Variants in PRELID2 observed in about 807,000 individuals in gnomAD.
The protein encoded by PRELID2 is PRELI domain-containing protein 2.
A neutral mutation model predicts 28.4 loss-of-function variants in PRELID2; 25 were observed. The observed-to-expected ratio is 0.88, with a 90% CI of 0.64 to 1.23. The LOEUF (loss-of-function observed/expected upper bound fraction) is 1.23. Among genes scored for constraint, PRELID2 ranks in the 50% most tolerant of loss-of-function variants. The pLI is 0.00. For missense variants in PRELID2, 201 were observed against 214.4 expected, an observed-to-expected ratio of 0.94 and a Z score of 0.39; for synonymous variants, 76 against 71.6, an observed-to-expected ratio of 1.06 and a Z score of -0.31.
At chr5:145,538,035 T>C (rs187200388) in intron 1 of PRELID2, among the ~76,000 whole-genome samples, 1 of 152,074 alleles carries the variant, frequency 6.6e-6, no homozygotes, top group African/African-American at 2.4e-5. Context: ...TGTAACCATC[T>C]AGTCTCAATT....
At chr5:145,381,560 T>G in the PRELID2 span, 4 of 152,162 alleles carry the variant, frequency 2.6e-5, no homozygotes, top group African/African-American at 9.7e-5. Context: ...TTGAAAAAGT[T>G]TAGAAGGTAT....
chr5:145,338,774 C>A, the PRELID2 span, among the ~76,000 whole-genome samples: 1 of 152,136 alleles, frequency 6.6e-6, no homozygotes, highest in African/African-American at 2.4e-5. Context: ...GGCCCAATAT[C>A]ACACAGCAAT....
intron 5 of PRELID2, among the ~76,000 whole-genome samples, chr5:145,776,680 C>G (rs548844918): frequency 6.6e-6 from 1 of 152,292 alleles, no homozygotes; most frequent in South Asian, 2.1e-4. Context: ...TTTCAAGCTC[C>G]TAAACCCTGT....
intron 1 of PRELID2, among the ~76,000 whole-genome samples, chr5:145,691,480 G>A (rs970677625): frequency 6.6e-6 from 1 of 152,024 alleles, no homozygotes. Context: ...CCGAGGCAGG[G>A]GGATCACGAG....
At chr5:145,560,678 C>CA (rs1339486421) in intron 1 of PRELID2, among the ~76,000 whole-genome samples, 1 of 152,186 alleles carries the variant, frequency 6.6e-6, no homozygotes, top group African/African-American at 2.4e-5. Flanking sequence ...TTAGATATGT[C>CA]AAAAGTTATT....
At chr5:145,241,764 A>G in the PRELID2 span, among the ~76,000 whole-genome samples, 1 of 152,004 alleles carries the variant, frequency 6.6e-6, no homozygotes, top group Admixed American at 6.6e-5. Context: ...ATACAGCTAA[A>G]TGTATTTATT....
chr5:145,435,712 A>C, the PRELID2 span, among the ~76,000 whole-genome samples: 2 of 152,136 alleles, frequency 1.3e-5, no homozygotes, highest in Non-Finnish European at 2.9e-5. Flanking sequence ...GGACTTTATA[A>C]TATTTTTCCC....
intron 4 of PRELID2, among the ~76,000 whole-genome samples, chr5:145,809,544 C>T (rs769079069): frequency 6.6e-5 from 10 of 152,228 alleles, no homozygotes; most frequent in Non-Finnish European, 1.3e-4. Flanking sequence ...TTCCCGGCCT[C>T]CCGTAGTGCT....
intron 1 of PRELID2, among the ~76,000 whole-genome samples, chr5:145,750,865 A>C (rs1038109617): frequency 3.3e-5 from 5 of 152,192 alleles, no homozygotes; most frequent in African/African-American, 9.6e-5. Flanking sequence ...CAGCTTCATT[A>C]GTTTTTTCCA....
intron 1 of PRELID2, among the ~76,000 whole-genome samples, chr5:145,500,775 T>C (rs1028428993): frequency 4.6e-5 from 7 of 152,160 alleles, no homozygotes; most frequent in African/African-American, 1.7e-4. Flanking sequence ...CCAAGAAGGA[T>C]GGCAACTACC....
chr5:145,664,451 T>C lies in PRELID2; in HGVS notation n.70+100480A>G, dbSNP rs181949307. Among the ~76,000 whole-genome samples the C allele has an allele frequency of 1.6e-3, 250 of 152,208 alleles. 1 individual carries two copies. Among genetic ancestry groups the C allele is most frequent in the African/African-American group, 5.8e-3 (239 of 41,546 alleles). ...TTCCTGGCTCCTGTTGCCCTCCAAA[T>C]GAGGAATTTCTCTTCTTGAATTGAA... is the stretch of plus-strand genomic sequence containing the variant. On this transcript the variant is annotated intron_variant and non_coding_transcript_variant, in intron 1 of 2. Coordinates refer to the PRELID2 transcript ENST00000510259.
At chr5:145,253,018 T>C in the PRELID2 span, among the ~76,000 whole-genome samples, 21 of 152,234 alleles carry the variant, frequency 1.4e-4, no homozygotes, top group South Asian at 6.2e-4. Flanking sequence ...ATAGAAATTA[T>C]TAGGAAGCAA....
At chr5:145,337,815 T>C in the PRELID2 span, 1 of 150,068 alleles carries the variant, frequency 6.7e-6, no homozygotes, top group South Asian at 2.1e-4. Context: ...CACAGAAGTT[T>C]CTGTTCCTAT....
chr5:145,297,114 T>G, the PRELID2 span, among the ~76,000 whole-genome samples: 1 of 152,104 alleles, frequency 6.6e-6, no homozygotes, highest in Non-Finnish European at 1.5e-5. Flanking sequence ...ATGAGTAGGT[T>G]GCGAAAATTT....
rs2149899711 is a variant in PRELID2 at position 145,835,290 on chromosome 5, C to G, written c.-39G>C. On this transcript the variant is annotated 5_prime_UTR_variant, in exon 1 of 7. Coordinates refer to ENST00000683046, the MANE Select transcript of PRELID2 (RefSeq NM_205846.3). ...GGGCCCCGCGCACCGGCCACGCCTCCGCGAGCTCAGAGCTGCCCAGGGCTC... is the reference window on the plus strand; with the variant it reads ...GGGCCCCGCGCACCGGCCACGCCTCGGCGAGCTCAGAGCTGCCCAGGGCTC... 6 of 1,463,236 alleles carry G rather than the reference C, an allele frequency of 4.1e-6. No homozygotes were observed. The highest frequency in any genetic ancestry group is 5.6e-6 in the Non-Finnish European group (6 of 1,071,466). 90.6% of individuals were successfully genotyped at this position (1,463,236 alleles called of 1,614,324 possible).
the PRELID2 span, among the ~76,000 whole-genome samples, chr5:145,281,460 T>C: frequency 1.3e-5 from 2 of 152,176 alleles, no homozygotes; most frequent in African/African-American, 4.8e-5. Context: ...ATTTAAGCAG[T>C]GCATGCTAGA....
At chr5:145,517,848 G>A (rs1752529712) in intron 1 of PRELID2, among the ~76,000 whole-genome samples, 1 of 152,032 alleles carries the variant, frequency 6.6e-6, no homozygotes, top group African/African-American at 2.4e-5. Context: ...GCAGGGACAT[G>A]GATGAAGGTG....
chr5:145,650,531 CATATATATATATATATATATAT>C (rs56324486), intron 1 of PRELID2, among the ~76,000 whole-genome samples: 825 of 68,732 alleles, frequency 0.012, 16 homozygotes, highest in African/African-American at 0.024. Flanking sequence ...CACATATATA[CATATATATATATATATATATAT>C]ATATATATAT....
chr5:145,796,320 T>C lies in PRELID2; in HGVS notation c.474+122A>G, dbSNP rs778639494. 5.8e-6 allele frequency: 3 copies of C among 512,912 alleles called. No individual in the cohort carries two copies. The African/African-American group carries it at 5.9e-5, about 10-fold the overall frequency. 31.8% of individuals were successfully genotyped at this position (512,912 alleles called of 1,614,324 possible). Reference sequence around the variant, plus strand: ...TTTTGAGGTTGATTATTTTTGCATATATTTGTTTATTAACTATATGTTTTT... The same window carrying C: ...TTTTGAGGTTGATTATTTTTGCATACATTTGTTTATTAACTATATGTTTTT... On this transcript the variant is annotated intron_variant, in intron 5 of 6. Transcript: ENST00000683046.
Sources: gnomAD v4.1 joint callset for allele counts (sites outside exome capture counted in the v4.1 genomes callset) on GRCh38, gnomAD v4.1.1 for gene constraint, MANE v1.5 for transcripts, NCBI Gene and HGNC (gene_info 2026-07-23, HGNC 2026-07-21) for gene names.